The following NALF1 variants were observed in gnomAD, a reference collection of about 807,000 sequenced individuals.
NALF1 encodes family with sequence similarity 155 member A.
NALF1 carries 3 observed loss-of-function variants against 48.4 expected under a neutral mutation model. The observed-to-expected ratio is 0.06, with a 90% CI of 0.03 to 0.16. The LOEUF (loss-of-function observed/expected upper bound fraction) is 0.16. Among genes scored for constraint, NALF1 ranks in the 10% least tolerant of loss-of-function variants. The probability of loss-of-function intolerance (pLI) is 1.00; values close to 1 mark genes in which losing one functional copy is unlikely to be tolerated. For missense variants in NALF1, 526 were observed against 571.5 expected, an observed-to-expected ratio of 0.92 and a Z score of 0.81; for synonymous variants, 262 against 245.7, an observed-to-expected ratio of 1.07 and a Z score of -0.62.
At chr13:107,428,950 T>C (rs1048766838) in intron 1 of NALF1, among the ~76,000 whole-genome samples, 4 of 152,226 alleles carry the variant, frequency 2.6e-5, no homozygotes, top group Non-Finnish European at 4.4e-5. Flanking sequence ...GTGCTTAATA[T>C]GAATAGATTA....
In NALF1 at chr13:107,219,683, C is replaced by T. The variant is rs369657955; in HGVS notation, c.916-8928G>A. Among the ~76,000 whole-genome samples, 13 of 152,086 alleles carry T rather than the reference C, an allele frequency of 8.5e-5. No individual in the cohort carries two copies. In the East Asian group the frequency reaches 9.7e-4, roughly 11 times the overall value. On this transcript the variant is annotated intron_variant, in intron 1 of 2. Transcript: ENST00000375915. ...TCTATTTAGAAAATACCAATAATAC[C>T]AACGCACTGAGTAGAGCTATAATAA...
At chr13:107,633,272 A>G (rs1879881806) in intron 1 of NALF1, among the ~76,000 whole-genome samples, 1 of 152,090 alleles carries the variant, frequency 6.6e-6, no homozygotes, top group Non-Finnish European at 1.5e-5. Flanking sequence ...AGATGTTCTG[A>G]AAATAACATA....
At chr13:107,495,314 C>T (rs962614809) in intron 1 of NALF1, among the ~76,000 whole-genome samples, 6 of 152,126 alleles carry the variant, frequency 3.9e-5, no homozygotes, top group African/African-American at 1.4e-4. Context: ...ATGTTCTTAG[C>T]TCTTAGGTAC....
intron 1 of NALF1, among the ~76,000 whole-genome samples, chr13:107,659,563 C>T (rs1218604241): frequency 6.6e-6 from 1 of 151,542 alleles, no homozygotes; most frequent in African/African-American, 2.4e-5. Flanking sequence ...AGTAGAATTG[C>T]CTATCTCTCG....
Position 107,239,640 on chromosome 13 carries a change from T to C in NALF1, c.916-28885A>G, listed in dbSNP as rs555515293. ...AGTTTGGATAAGTTAGTGTTATTTA[T>C]TGTAAGAAAGTATTAAAACATGGTT... On this transcript the variant is annotated intron_variant, in intron 1 of 2. Coordinates refer to ENST00000375915, the MANE Select transcript of NALF1 (RefSeq NM_001080396.3). 1.1e-4 allele frequency among the ~76,000 whole-genome samples: 16 copies of C among 152,340 alleles called. No individual in the cohort carries two copies. The South Asian group carries it at 2.7e-3, about 26-fold the overall frequency.
At chr13:107,540,389 T>C (rs1421333190) in intron 1 of NALF1, among the ~76,000 whole-genome samples, 1 of 151,930 alleles carries the variant, frequency 6.6e-6, no homozygotes, top group African/African-American at 2.4e-5. Flanking sequence ...TTTTTTAATA[T>C]ACTTATACTA....
At position 107,773,220 on chromosome 13, in the gene NALF1, C is replaced by G. The variant is rs146144979; in HGVS notation, c.915+92462G>C. On this transcript the variant is annotated intron_variant, in intron 1 of 2. Transcript: ENST00000375915. ...TGACATATTTTACCTTGATCATACT[C>G]CAGTTTGATAGATTACTTTCAATTT... is the stretch of plus-strand genomic sequence containing the variant. 1.2e-3 allele frequency among the ~76,000 whole-genome samples: 185 copies of G among 152,220 alleles called. 3 individuals are homozygous for G. The highest frequency in any genetic ancestry group is 6.9e-4 in the Non-Finnish European group (47 of 68,014).
chr13:107,546,108 G>A (rs1323357214), intron 1 of NALF1, among the ~76,000 whole-genome samples: 1 of 152,120 alleles, frequency 6.6e-6, no homozygotes, highest in Non-Finnish European at 1.5e-5. Context: ...CTTCCCAGCA[G>A]TTATAGCCAA....
chr13:107,577,211 T>C (rs988056260), intron 1 of NALF1, among the ~76,000 whole-genome samples: 2 of 152,178 alleles, frequency 1.3e-5, no homozygotes, highest in Non-Finnish European at 2.9e-5. Flanking sequence ...AATTTCATCA[T>C]TCTCATCTGC....
intron 1 of NALF1, among the ~76,000 whole-genome samples, chr13:107,358,521 T>C (rs1883003780): frequency 6.6e-6 from 1 of 152,208 alleles, no homozygotes; most frequent in African/African-American, 2.4e-5. Context: ...GGAAGAGATT[T>C]GTGAAGCAAA....
intron 1 of NALF1, among the ~76,000 whole-genome samples, chr13:107,430,604 C>T (rs1216903842): frequency 6.6e-6 from 1 of 152,142 alleles, no homozygotes; most frequent in Non-Finnish European, 1.5e-5. Context: ...CCAGCTTCAT[C>T]CATGTACCTA....
At chr13:107,769,861 A>T (rs1478609111) in intron 1 of NALF1, among the ~76,000 whole-genome samples, 2 of 152,122 alleles carry the variant, frequency 1.3e-5, no homozygotes, top group African/African-American at 2.4e-5. Flanking sequence ...CCATCAATAT[A>T]CATCCTCCAA....
intron 2 of NALF1, among the ~76,000 whole-genome samples, chr13:107,186,794 T>A (rs1879184505): frequency 6.6e-6 from 1 of 152,222 alleles, no homozygotes; most frequent in South Asian, 2.1e-4. Flanking sequence ...CCTTTTGTTA[T>A]CTCATAGTTC....
chr13:107,539,573 C>T (rs1876938416), intron 1 of NALF1, among the ~76,000 whole-genome samples: 1 of 152,082 alleles, frequency 6.6e-6, no homozygotes, highest in African/African-American at 2.4e-5. Context: ...ACTTATTTTT[C>T]ATCTATAAAA....
intron 1 of NALF1, among the ~76,000 whole-genome samples, chr13:107,373,114 G>T (rs1415481462): frequency 6.6e-6 from 1 of 152,080 alleles, no homozygotes; most frequent in African/African-American, 2.4e-5. Context: ...CATCATATAA[G>T]GTATACAGAG....
intron 1 of NALF1, among the ~76,000 whole-genome samples, chr13:107,647,588 A>G (rs1871618781): frequency 6.6e-6 from 1 of 152,126 alleles, no homozygotes; most frequent in African/African-American, 2.4e-5. Flanking sequence ...TAAAATTAAT[A>G]AACTTTTGTA....
At chr13:107,765,442 T>C (rs567862021) in intron 1 of NALF1, among the ~76,000 whole-genome samples, 13 of 152,204 alleles carry the variant, frequency 8.5e-5, no homozygotes, top group Non-Finnish European at 2.9e-5. Context: ...TAGAGTTATA[T>C]AAGTAACAGC....
chr13:107,308,500 C>T (rs376438779), intron 1 of NALF1, among the ~76,000 whole-genome samples: 71 of 152,198 alleles, frequency 4.7e-4, no homozygotes, highest in East Asian at 3.7e-3. Context: ...CTATGCTTTT[C>T]GGCACTTTAG....
At chr13:107,399,293 CATAGATA>C (rs1314191610) in intron 1 of NALF1, among the ~76,000 whole-genome samples, 1 of 152,062 alleles carries the variant, frequency 6.6e-6, no homozygotes, top group African/African-American at 2.4e-5. Context: ...TTTATGTAAA[CATAGATA>C]ATTGTGTGTG....
Sources: gnomAD v4.1 joint callset for allele counts (sites outside exome capture counted in the v4.1 genomes callset) on GRCh38, gnomAD v4.1.1 for gene constraint, MANE v1.5 for transcripts, NCBI Gene and HGNC (gene_info 2026-07-23, HGNC 2026-07-21) for gene names.